Variants in KCNT2 observed in about 807,000 individuals in gnomAD.
The protein encoded by KCNT2 is potassium channel subfamily T member 2.
A neutral mutation model predicts 153.8 loss-of-function variants in KCNT2; 67 were observed. That is an observed-to-expected ratio of 0.44 (90% CI 0.36 to 0.53). The LOEUF is 0.53. KCNT2 is among the 20% of genes least tolerant of loss of function. The pLI is 0.00. For missense variants in KCNT2, 975 were observed against 1,354.8 expected (o/e 0.72, Z 4.40); for synonymous variants, 500 against 458.8 (o/e 1.09, Z -1.15).
intron 8 of KCNT2, among the ~76,000 whole-genome samples, chr1:196,445,300 G>C (rs951861011): frequency 6.6e-6 from 1 of 151,278 alleles, no homozygotes; most frequent in Admixed American, 6.6e-5. Flanking sequence ...TAATTTAAAC[G>C]ATTTGTACAC....
At position 196,227,369 on chromosome 1, in the gene KCNT2, C is replaced by T. The variant is rs957819267; in HGVS notation, c.*855G>A. On this transcript the variant is annotated 3_prime_UTR_variant, in exon 28 of 28. Coordinates refer to ENST00000294725, the MANE Select transcript of KCNT2 (RefSeq NM_198503.5). The stretch of plus-strand genomic sequence containing the variant: ...ATGGTAAAGTTCAAGAGTCTAAGGA[C>T]AATCATTACTGTATATTTCAAGATA... 3 of 151,954 alleles carry T rather than the reference C, an allele frequency of 2.0e-5. No homozygotes were observed. In the East Asian group the frequency reaches 5.8e-4, roughly 29 times the overall value. The allele number at this position is 151,954 out of a possible 1,614,324, so 9.4% of individuals were successfully genotyped here.
At chr1:196,383,296 T>C (rs979431970) in intron 13 of KCNT2, among the ~76,000 whole-genome samples, 1 of 152,204 alleles carries the variant, frequency 6.6e-6, no homozygotes, top group Non-Finnish European at 1.5e-5. Flanking sequence ...GATTTTGATA[T>C]AGCCCAAACT....
At chr1:196,355,217 A>C (rs1005592003) in intron 14 of KCNT2, among the ~76,000 whole-genome samples, 1 of 140,928 alleles carries the variant, frequency 7.1e-6, no homozygotes, top group Non-Finnish European at 1.5e-5. Context: ...TAGAAGTAAT[A>C]AAAAAAAAAA....
chr1:196,447,589 TAGTGAC>T (rs1675804294), intron 8 of KCNT2, among the ~76,000 whole-genome samples: 1 of 149,492 alleles, frequency 6.7e-6, no homozygotes, highest in Non-Finnish European at 1.5e-5. Flanking sequence ...ATAAAAGGAG[TAGTGAC>T]AGTGCAGAGC....
chr1:196,254,133 C>T (rs954782973), intron 26 of KCNT2, among the ~76,000 whole-genome samples: 29 of 151,296 alleles, frequency 1.9e-4, no homozygotes, highest in African/African-American at 6.8e-4. Context: ...ATCAATTACC[C>T]TTTTTGAATG....
rs772143142 is a variant in KCNT2 at position 196,311,739 on chromosome 1, A to AT, written c.2483+4152dup. ...CTCTGGTCATAGCCCTGAATCTGCC[A>AT]TTTTTTTTTTAATTCCTAGATGGGC... On this transcript the variant is annotated intron_variant, in intron 21 of 27. Transcript: ENST00000294725. Among the ~76,000 whole-genome samples, 1,050 of 148,186 alleles carry AT rather than the reference A, an allele frequency of 7.1e-3. 11 individuals are homozygous for AT. The highest frequency in any genetic ancestry group is 0.042 in the East Asian group (209 of 5,020).
intron 3 of KCNT2, among the ~76,000 whole-genome samples, chr1:196,486,988 A>G (rs1679471552): frequency 6.6e-6 from 1 of 151,964 alleles, no homozygotes; most frequent in Non-Finnish European, 1.5e-5. Context: ...CCCAGGTTAG[A>G]CAACCAACTA....
intron 22 of KCNT2, among the ~76,000 whole-genome samples, chr1:196,287,143 G>C (rs566603247): frequency 4.6e-5 from 7 of 152,124 alleles, no homozygotes; most frequent in Non-Finnish European, 8.8e-5. Flanking sequence ...ATAGGAAAGC[G>C]GTTCCACATT....
At chr1:196,311,013 T>A (rs558097031) in intron 21 of KCNT2, among the ~76,000 whole-genome samples, 1 of 151,982 alleles carries the variant, frequency 6.6e-6, no homozygotes, top group Admixed American at 6.6e-5. Flanking sequence ...CCATATGGAA[T>A]GTGCTGTACC....
chr1:196,228,382 G>A, intron 27 of KCNT2, 47 bp from the exon 28 acceptor site: 3 of 956,286 alleles, frequency 3.1e-6, no homozygotes, highest in Non-Finnish European at 3.3e-6. Context: ...GTAAATACAG[G>A]CAACATTAAT....
At chr1:196,562,257 G>A (rs1317540023) in intron 1 of KCNT2, among the ~76,000 whole-genome samples, 2 of 151,894 alleles carry the variant, frequency 1.3e-5, no homozygotes, top group Admixed American at 1.3e-4. Flanking sequence ...TATCTGTCAT[G>A]ACACTATACT....
At chr1:196,441,325 A>T (rs1022943442) in intron 8 of KCNT2, among the ~76,000 whole-genome samples, 9 of 151,190 alleles carry the variant, frequency 6.0e-5, no homozygotes, top group African/African-American at 9.7e-5. Flanking sequence ...AAAAATAAAA[A>T]ATATATATAT....
At chr1:196,410,771 A>G (rs1368120584) in intron 12 of KCNT2, among the ~76,000 whole-genome samples, 3 of 151,302 alleles carry the variant, frequency 2.0e-5, no homozygotes, top group Non-Finnish European at 3.0e-5. Context: ...TGTTATAACC[A>G]AGAAATCAAT....
chr1:196,507,612 C>A (rs545686625), intron 1 of KCNT2, among the ~76,000 whole-genome samples: 2 of 151,972 alleles, frequency 1.3e-5, no homozygotes, highest in Non-Finnish European at 2.9e-5. Flanking sequence ...GCTCCTGGAC[C>A]AGTTTTAATG....
At chr1:196,332,837 T>A (rs1049213436) in intron 17 of KCNT2, among the ~76,000 whole-genome samples, 5 of 151,340 alleles carry the variant, frequency 3.3e-5, no homozygotes, top group African/African-American at 4.9e-5. Flanking sequence ...CTGGCTGGAC[T>A]GCAGTGGCAG....
chr1:196,412,418 A>C (rs1008903394), intron 12 of KCNT2, among the ~76,000 whole-genome samples: 1 of 151,758 alleles, frequency 6.6e-6, no homozygotes, highest in Non-Finnish European at 1.5e-5. Flanking sequence ...ATACAGGAAA[A>C]GAAAGAATCA....
At chr1:196,236,838 G>T (rs543535170) in intron 26 of KCNT2, among the ~76,000 whole-genome samples, 4 of 151,582 alleles carry the variant, frequency 2.6e-5, no homozygotes, top group African/African-American at 9.6e-5. Flanking sequence ...CAGCTTTGTG[G>T]TCTCAATTTT....
At chr1:196,452,558 T>C (rs1026393099) in intron 8 of KCNT2, among the ~76,000 whole-genome samples, 4 of 152,004 alleles carry the variant, frequency 2.6e-5, no homozygotes, top group African/African-American at 9.7e-5. Flanking sequence ...GGCTCAGCTA[T>C]GTTTTGGAAA....
chr1:196,526,420 G>A (rs1052692096), intron 1 of KCNT2, among the ~76,000 whole-genome samples: 2 of 150,208 alleles, frequency 1.3e-5, no homozygotes, highest in East Asian at 1.9e-4. Context: ...AGTATTACTC[G>A]CTCTGAGTCT....
Sources: allele counts gnomAD v4.1 joint callset (sites outside exome capture counted in the v4.1 genomes callset), GRCh38; gene constraint gnomAD v4.1.1; transcripts MANE v1.5; gene names NCBI Gene and HGNC (gene_info 2026-07-23, HGNC 2026-07-21).